The following EIPR1 variants were observed in gnomAD, a reference collection of about 807,000 sequenced individuals.
EIPR1 encodes the protein EARP and GARP complex-interacting protein 1.
In EIPR1, 25 loss-of-function variants were observed where a neutral mutation model predicts 48.1. The observed-to-expected ratio is 0.52, with a 90% CI of 0.38 to 0.73. EIPR1 has a LOEUF of 0.73. Among genes scored for constraint, EIPR1 ranks in the 30% least tolerant of loss-of-function variants. The pLI is 0.00. For missense variants in EIPR1, 415 were observed against 506.2 expected (o/e 0.82, Z 1.73); for synonymous variants, 204 against 201.9 (o/e 1.01, Z -0.09).
At chr2:3,319,604 CA>C (rs1669428921) in intron 3 of EIPR1, 1 of 164,032 alleles carries the variant, frequency 6.1e-6, no homozygotes, top group African/African-American at 2.4e-5. Flanking sequence ...TCTCCATGCC[CA>C]AGTACCGGCT....
At chr2:3,224,126 T>C (rs2103153588) in intron 4 of EIPR1, among the ~76,000 whole-genome samples, 1 of 152,342 alleles carries the variant, frequency 6.6e-6, no homozygotes, top group East Asian at 1.9e-4. Context: ...AGACACCGCC[T>C]GCCTGATTCC....
chr2:3,208,599 C>T (rs771637740), intron 5 of EIPR1: 1 of 1,550,672 alleles, frequency 6.4e-7, no homozygotes, highest in Non-Finnish European at 8.7e-7. Flanking sequence ...AGTGAGCTCA[C>T]TGAGTGTCTG....
At chr2:3,330,930 G>C (rs1008077662) in intron 3 of EIPR1, among the ~76,000 whole-genome samples, 3 of 84,846 alleles carry the variant, frequency 3.5e-5, no homozygotes, top group Non-Finnish European at 6.0e-5. Flanking sequence ...ACTGGCAAGT[G>C]TACACTCGTG....
intron 2 of EIPR1, among the ~76,000 whole-genome samples, chr2:3,351,701 T>C (rs762061737): frequency 2.6e-5 from 4 of 152,184 alleles, no homozygotes; most frequent in Non-Finnish European, 2.9e-5. Context: ...AGTAGAAAAG[T>C]AACACACATA....
intron 3 of EIPR1, among the ~76,000 whole-genome samples, chr2:3,269,266 ATGG>A (rs1667595915): frequency 1.1e-5 from 1 of 93,892 alleles, no homozygotes; most frequent in Non-Finnish European, 2.5e-5. Context: ...GCACTCAGTC[ATGG>A]CACTCAGTCA....
At chr2:3,240,812 T>C (rs1352274467) in intron 4 of EIPR1, among the ~76,000 whole-genome samples, 4 of 138,686 alleles carry the variant, frequency 2.9e-5, no homozygotes, top group South Asian at 2.4e-4. Context: ...CAGCAGACCC[T>C]TCCTAAAGCA....
Position 3,269,565 on chromosome 2 carries a change from TCG to T in EIPR1, c.260-12112_260-12111del, listed in dbSNP as rs1384876567. The stretch of plus-strand genomic sequence containing the variant: ...CGCACTCAGTCATCGCACTCAGTCA[TCG>T]CACTCAGTCATCGCACTCAATCATC... On this transcript the variant is annotated intron_variant, in intron 3 of 8. Coordinates refer to ENST00000382125, the MANE Select transcript of EIPR1 (RefSeq NM_003310.5). Among the ~76,000 whole-genome samples the T allele has an allele frequency of 2.4e-4, 23 of 96,830 alleles. 1 individual carries two copies. The highest frequency in any genetic ancestry group is 9.6e-4 in the East Asian group (2 of 2,088). 63.5% of individuals were successfully genotyped at this position (96,830 alleles called of 152,430 possible).
chr2:3,356,951 G>A (rs1032661609), intron 1 of EIPR1, among the ~76,000 whole-genome samples: 8 of 152,250 alleles, frequency 5.3e-5, no homozygotes, highest in Admixed American at 5.2e-4. Context: ...TAGGGAAATT[G>A]AAAGTACCTC....
At chr2:3,311,529 C>A (rs1325101079) in intron 3 of EIPR1, among the ~76,000 whole-genome samples, 1 of 152,196 alleles carries the variant, frequency 6.6e-6, no homozygotes, top group Non-Finnish European at 1.5e-5. Context: ...GTGGCATTCT[C>A]TTACAACAGT....
chr2:3,251,259 C>G (rs1456190780), intron 4 of EIPR1, among the ~76,000 whole-genome samples: 2 of 152,192 alleles, frequency 1.3e-5, no homozygotes, highest in African/African-American at 4.8e-5. Context: ...CTGAGGCAGG[C>G]TGCCTTGGCT....
At chr2:3,328,814 A>C (rs1435223635) in intron 3 of EIPR1, among the ~76,000 whole-genome samples, 6 of 126,034 alleles carry the variant, frequency 4.8e-5, no homozygotes, top group Admixed American at 7.9e-5. Context: ...ATCAGAGCCC[A>C]CCCACCACGC....
chr2:3,267,034 A>G (rs1667510433), intron 3 of EIPR1, among the ~76,000 whole-genome samples: 1 of 152,204 alleles, frequency 6.6e-6, no homozygotes. Flanking sequence ...AACTACCCCC[A>G]CACCCTGAAT....
intron 5 of EIPR1, among the ~76,000 whole-genome samples, chr2:3,203,922 C>T (rs2053999): frequency 0.93 from 142,109 of 152,300 alleles, 66,408 homozygotes; most frequent in East Asian, 0.98. Context: ...CCCAGCCCCA[C>T]TGACCCTGAG....
intron 3 of EIPR1, among the ~76,000 whole-genome samples, chr2:3,259,652 C>T (rs532490710): frequency 6.2e-4 from 94 of 152,300 alleles, no homozygotes; most frequent in Non-Finnish European, 1.1e-3. Context: ...ACTTTTACTC[C>T]ATTCTGAAAC....
intron 5 of EIPR1, among the ~76,000 whole-genome samples, chr2:3,211,458 T>C (rs950197225): frequency 1.3e-5 from 2 of 152,174 alleles, no homozygotes; most frequent in African/African-American, 4.8e-5. Context: ...ACTGCTCTCT[T>C]GGTCCCCAAA....
intron 3 of EIPR1, chr2:3,319,377 C>A: frequency 5.5e-6 from 1 of 182,054 alleles, no homozygotes; most frequent in Non-Finnish European, 1.2e-5. Flanking sequence ...TGATCATTCC[C>A]AGAAAGCGCC....
At chr2:3,368,586 G>C (rs1287172016) in intron 1 of EIPR1, among the ~76,000 whole-genome samples, 2 of 152,208 alleles carry the variant, frequency 1.3e-5, no homozygotes, top group African/African-American at 4.8e-5. Flanking sequence ...TTGCCACATG[G>C]AGATTTGACC....
intron 3 of EIPR1, among the ~76,000 whole-genome samples, chr2:3,335,260 A>G (rs1045943473): frequency 1.3e-5 from 2 of 152,184 alleles, no homozygotes; most frequent in African/African-American, 4.8e-5. Flanking sequence ...TGCAGTGTAT[A>G]ATGACTATGG....
chr2:3,296,741 T>C (rs1005758659), intron 3 of EIPR1, among the ~76,000 whole-genome samples: 1 of 151,742 alleles, frequency 6.6e-6, no homozygotes, highest in African/African-American at 2.4e-5. Context: ...ACACACACCC[T>C]CCATCCAGCC....
Sources: gnomAD v4.1 joint callset for allele counts (sites outside exome capture counted in the v4.1 genomes callset) on GRCh38, gnomAD v4.1.1 for gene constraint, MANE v1.5 for transcripts, NCBI Gene and HGNC (gene_info 2026-07-23, HGNC 2026-07-21) for gene names.